The following ARHGAP44 variants were observed in gnomAD, a reference collection of about 807,000 sequenced individuals.
ARHGAP44 encodes the protein Rho GTPase activating protein 44, also known as rho GTPase-activating protein 44.
ARHGAP44 carries 43 observed loss-of-function variants against 106.8 expected under a neutral mutation model. The ratio of observed to expected loss-of-function variants is 0.40; its 90% CI spans 0.32 to 0.52. The LOEUF (loss-of-function observed/expected upper bound fraction) is 0.52, where lower values mean the gene tolerates loss of function less well. Ranked by LOEUF, ARHGAP44 falls within the 20% of genes least tolerant of loss-of-function variation. ARHGAP44 has a pLI of 0.48. For synonymous variants in ARHGAP44, 439 were observed against 410.3 expected, an observed-to-expected ratio of 1.07 and a Z score of -0.85; for missense variants, 866 against 1,050.5, an observed-to-expected ratio of 0.82 and a Z score of 2.43.
intron 1 of ARHGAP44, among the ~76,000 whole-genome samples, chr17:12,889,139 T>C (rs2036967676): frequency 6.6e-6 from 1 of 152,208 alleles, no homozygotes; most frequent in African/African-American, 2.4e-5. Flanking sequence ...TCTTTCTGTT[T>C]TTCATTGCTT....
At chr17:12,813,643 T>G (rs2034504929) in intron 1 of ARHGAP44, among the ~76,000 whole-genome samples, 1 of 152,154 alleles carries the variant, frequency 6.6e-6, no homozygotes, top group Non-Finnish European at 1.5e-5. Context: ...AAAACCAGCT[T>G]GAGAGATGGA....
intron 7 of ARHGAP44, among the ~76,000 whole-genome samples, chr17:12,939,467 TA>T (rs2038644525): frequency 6.6e-6 from 1 of 152,086 alleles, no homozygotes; most frequent in African/African-American, 2.4e-5. Context: ...CTTTATTTTT[TA>T]TTTTTTTTTT....
intron 7 of ARHGAP44, among the ~76,000 whole-genome samples, chr17:12,932,174 C>T (rs4792303): frequency 0.047 from 7,102 of 152,130 alleles, 255 homozygotes; most frequent in Admixed American, 0.09. Context: ...TTCTTCATCT[C>T]GTAATGCATG....
intron 1 of ARHGAP44, among the ~76,000 whole-genome samples, chr17:12,821,193 T>G (rs2034759989): frequency 6.6e-6 from 1 of 152,170 alleles, no homozygotes; most frequent in Admixed American, 6.5e-5. Flanking sequence ...AGGACAGTTG[T>G]GCAACTCAGC....
intron 3 of ARHGAP44, among the ~76,000 whole-genome samples, chr17:12,900,328 C>T (rs2037338029): frequency 6.6e-6 from 1 of 151,988 alleles, no homozygotes; most frequent in Non-Finnish European, 1.5e-5. Context: ...TGGGGTTTCA[C>T]CATGTTGGCC....
At chr17:12,988,972 C>G (rs2040028625) in intron 20 of ARHGAP44, 1 of 149,794 alleles carries the variant, frequency 6.7e-6, no homozygotes, top group Non-Finnish European at 1.5e-5. Flanking sequence ...TGGTGGGTGC[C>G]TGTAATCCCA....
intron 5 of ARHGAP44, chr17:12,917,403 G>A (rs967017201): frequency 1.3e-5 from 2 of 152,694 alleles, no homozygotes; most frequent in Non-Finnish European, 2.9e-5. Context: ...ATATGAGGTG[G>A]AAAGCCAGAG....
In ARHGAP44 at chr17:12,897,692, C is replaced by G. The variant is rs547593262; in HGVS notation, c.198+1181C>G. ...TCCGGATGGGGGTGCTGGAGCCAAG[C>G]CTGCCTTTGATCTGTGTCTTTTTTT... On this transcript the variant is annotated intron_variant, in intron 3 of 20. Coordinates refer to ENST00000379672, the MANE Select transcript of ARHGAP44 (RefSeq NM_014859.6). 2.0e-5 allele frequency among the ~76,000 whole-genome samples: 3 copies of G among 148,656 alleles called. No homozygotes were observed. In the East Asian group the frequency reaches 6.0e-4, roughly 30 times the overall value.
At chr17:12,843,695 A>T in intron 1 of ARHGAP44, among the ~76,000 whole-genome samples, 1 of 124,354 alleles carries the variant, frequency 8.0e-6, no homozygotes, top group African/African-American at 3.3e-5. Context: ...TTCGTCTGTC[A>T]CCCAGGCTGG....
intron 1 of ARHGAP44, among the ~76,000 whole-genome samples, chr17:12,802,883 T>C (rs2150766091): frequency 7.5e-6 from 1 of 132,588 alleles, no homozygotes; most frequent in African/African-American, 2.7e-5. Flanking sequence ...CTTAGCATCC[T>C]AAATAGTTGG....
chr17:12,873,582 A>C (rs2036463334), intron 1 of ARHGAP44, among the ~76,000 whole-genome samples: 1 of 152,230 alleles, frequency 6.6e-6, no homozygotes, highest in African/African-American at 2.4e-5. Context: ...ATTGAAGTAT[A>C]GTATAAGAAA....
intron 1 of ARHGAP44, among the ~76,000 whole-genome samples, chr17:12,828,028 C>CA (rs60301804): frequency 0.19 from 13,739 of 73,528 alleles, 1,377 homozygotes; most frequent in Non-Finnish European, 0.23. Context: ...CTGGCCATCT[C>CA]AAAAAAAAAA....
At chr17:12,970,118 A>G (rs1298733589) in intron 16 of ARHGAP44, among the ~76,000 whole-genome samples, 1 of 152,164 alleles carries the variant, frequency 6.6e-6, no homozygotes, top group Non-Finnish European at 1.5e-5. Context: ...GAGCAGTGTC[A>G]ATTCTGGATT....
At chr17:12,974,053 C>G (rs775399932) in intron 17 of ARHGAP44, 36 bp from the exon 18 acceptor site, 5 of 1,540,882 alleles carry the variant, frequency 3.2e-6, no homozygotes, top group Middle Eastern at 1.7e-4. Context: ...TCATCTGTTA[C>G]GCGTGGGTAA....
chr17:12,908,110 T>C (rs1033549738), intron 3 of ARHGAP44, among the ~76,000 whole-genome samples: 1 of 152,162 alleles, frequency 6.6e-6, no homozygotes, highest in Non-Finnish European at 1.5e-5. Flanking sequence ...AGTGTGTCTT[T>C]ATTTTCATGC....
intron 16 of ARHGAP44, among the ~76,000 whole-genome samples, chr17:12,971,974 TACTTGA>T (rs2039538828): frequency 6.6e-6 from 1 of 152,180 alleles, no homozygotes; most frequent in South Asian, 2.1e-4. Flanking sequence ...CAAATCTCCA[TACTTGA>T]ACTTTTTCTG....
At chr17:12,866,392 C>T (rs1419935254) in intron 1 of ARHGAP44, among the ~76,000 whole-genome samples, 1 of 152,082 alleles carries the variant, frequency 6.6e-6, no homozygotes, top group Non-Finnish European at 1.5e-5. Flanking sequence ...AAGTTCTAAC[C>T]TCAAAACACA....
chr17:12,972,975 TG>T (rs757846330), intron 16 of ARHGAP44: 6 of 272,876 alleles, frequency 2.2e-5, no homozygotes, highest in Non-Finnish European at 3.4e-5. Context: ...ATAAGTAAAA[TG>T]TTTTTTTAAA....
intron 7 of ARHGAP44, among the ~76,000 whole-genome samples, chr17:12,935,984 C>T (rs2038536284): frequency 6.6e-6 from 1 of 152,174 alleles, no homozygotes; most frequent in Non-Finnish European, 1.5e-5. Flanking sequence ...AGAGATTTTG[C>T]ACTTTTCTTT....
Sources: gnomAD v4.1 joint callset for allele counts (sites outside exome capture counted in the v4.1 genomes callset) on GRCh38, gnomAD v4.1.1 for gene constraint, MANE v1.5 for transcripts, NCBI Gene and HGNC (gene_info 2026-07-23, HGNC 2026-07-21) for gene names.